BSDC1: variants seen among roughly 807,000 people sequenced by gnomAD.
The protein encoded by BSDC1 is BSD domain containing 1.
In BSDC1, 29 loss-of-function variants were observed where a neutral mutation model predicts 56.0. That is an observed-to-expected ratio of 0.52 (90% CI 0.39 to 0.71). The LOEUF (loss-of-function observed/expected upper bound fraction) is 0.71. BSDC1 is among the 30% of genes least tolerant of loss of function. The pLI, the probability that BSDC1 is intolerant of heterozygous loss-of-function variation, is 0.00. For missense variants in BSDC1, 477 were observed against 548.5 expected, an observed-to-expected ratio of 0.87 and a Z score of 1.30; for synonymous variants, 210 against 215.3, an observed-to-expected ratio of 0.98 and a Z score of 0.21.
rs578196819 is a variant in BSDC1, at chr1:32,377,133, C to T, written c.677-392G>A. Among the ~76,000 whole-genome samples, 184 of 151,806 alleles carry T rather than the reference C, an allele frequency of 1.2e-3. 1 individual carries two copies. The highest frequency in any genetic ancestry group is 4.2e-3 in the African/African-American group (176 of 41,414). ...CCTGGATGACAGAGTGAGACTCTGC[C>T]TCAAAACGAAAAAAAAAAGACTCAA... On this transcript the variant is annotated intron_variant, in intron 8 of 10. Coordinates refer to ENST00000455895, the MANE Select transcript of BSDC1 (RefSeq NM_018045.8).
chr1:32,381,245 C>T lies in BSDC1; in HGVS notation c.381G>A (p.Ser127=), dbSNP rs771789900. ...GTTCATTACAGTAGGTTGCTGGGTC[C>T]GACTGCAGGCTATAGAGGCGAGCCT... ...GTKARLYSLQ[S]DPATYCNEPD... Residue 127 remains serine, a synonymous_variant, in exon 5 of 11, where the codon TCG becomes TCA. Transcript: ENST00000455895. 41 of 1,613,478 alleles carry T rather than the reference C, an allele frequency of 2.5e-5. No individual in the cohort carries two copies. The highest frequency in any genetic ancestry group is 4.5e-5 in the East Asian group (2 of 44,896).
At position 32,376,546 on chromosome 1, in the gene BSDC1, T is replaced by A. The variant is rs370603325; in HGVS notation, c.872A>T (p.Asn291Ile). The change falls in exon 9 of 11, where the codon AAC becomes ATC. Residue 291 changes from asparagine (N) to isoleucine (I), a missense_variant. By Grantham distance (149) the Asn-to-Ile change is moderately radical (BLOSUM62 -3). Transcript: ENST00000455895. ...TCGTGCCTCAGGTGCAGTGGCCGGG[T>A]TGGCGATCTGTGTCACGAGGGAGAT... is the stretch of plus-strand genomic sequence containing the variant. ...ESISLVTQIA[N>I]PATAPEARVL... The A allele has an allele frequency of 7.1e-6, 11 of 1,557,660 alleles. No individual in the cohort carries two copies. Among genetic ancestry groups the A allele is most frequent in the African/African-American group, 4.1e-5 (3 of 73,986 alleles).
At chr1:32,384,339 G>T (rs1337849909) in intron 3 of BSDC1, among the ~76,000 whole-genome samples, 1 of 152,150 alleles carries the variant, frequency 6.6e-6, no homozygotes, top group African/African-American at 2.4e-5. Flanking sequence ...TGGGTAGAGT[G>T]GTGGAAAGGG....
chr1:32,371,303 C>CCT (rs1642072264), intron 9 of BSDC1, among the ~76,000 whole-genome samples: 1 of 117,830 alleles, frequency 8.5e-6, no homozygotes, highest in African/African-American at 3.4e-5. Context: ...ACTTTGTAAT[C>CCT]TTTTTTTTTT....
At chr1:32,380,798 T>C (rs1454619146) in intron 5 of BSDC1, among the ~76,000 whole-genome samples, 2 of 152,202 alleles carry the variant, frequency 1.3e-5, no homozygotes, top group Non-Finnish European at 2.9e-5. Flanking sequence ...TCTACTTTAT[T>C]GACTGTTTCT....
chr1:32,367,979 G>T (rs1367520780), intron 10 of BSDC1: 1 of 1,106,808 alleles, frequency 9.0e-7, no homozygotes, highest in African/African-American at 1.6e-5. Flanking sequence ...CCTCATACCT[G>T]AGGACCACAA....
intron 9 of BSDC1, among the ~76,000 whole-genome samples, chr1:32,370,263 C>G (rs971788043): frequency 2.0e-5 from 3 of 152,208 alleles, no homozygotes; most frequent in African/African-American, 7.2e-5. Context: ...TAGGCGTGAG[C>G]CACTGCGCCT....
At position 32,378,130 on chromosome 1, in the gene BSDC1, A is replaced by G; in HGVS notation, c.598-82T>C. 1 of 1,601,966 alleles carries G rather than the reference A, an allele frequency of 6.2e-7. No individual in the cohort carries two copies. Among genetic ancestry groups the G allele is most frequent in the African/African-American group, 1.3e-5 (1 of 74,792 alleles). Reference sequence around the variant, plus strand: ...TGGTCCTGATCCCACAACTCTTGGCACCCTGTATCCCTTTCTTCTCTCAAT... The same window carrying G: ...TGGTCCTGATCCCACAACTCTTGGCGCCCTGTATCCCTTTCTTCTCTCAAT... On this transcript the variant is annotated intron_variant, in intron 7 of 10. Coordinates refer to ENST00000455895, the MANE Select transcript of BSDC1 (RefSeq NM_018045.8). The surrounding 1 kb of genome is among the most constrained non-coding windows in gnomAD (Gnocchi z 5.2).
chr1:32,378,175 C>T lies in BSDC1; in HGVS notation c.597+40G>A. On this transcript the variant is annotated intron_variant, in intron 7 of 10. Coordinates refer to ENST00000455895, the MANE Select transcript of BSDC1 (RefSeq NM_018045.8). This position sits in a 1 kb window ranked among gnomAD's most constrained non-coding sequence, Gnocchi z 5.2. ...CTCAATAAATCCAGCCTGCTTCCCC[C>T]AGGGTTGAGTGGGGACCTCCCCATG... is the stretch of plus-strand genomic sequence containing the variant. 1 of 1,611,662 alleles carries T rather than the reference C, an allele frequency of 6.2e-7. No homozygotes were observed. Among genetic ancestry groups the T allele is most frequent in the South Asian group, 1.1e-5 (1 of 91,012 alleles).
At chr1:32,393,435 C>T (rs1642935823) in intron 2 of BSDC1, among the ~76,000 whole-genome samples, 1 of 152,188 alleles carries the variant, frequency 6.6e-6, no homozygotes, top group African/African-American at 2.4e-5. Context: ...GCTTTTCATC[C>T]TGTCTAGGCA....
intron 9 of BSDC1, among the ~76,000 whole-genome samples, chr1:32,373,969 CA>C (rs1467804960): frequency 6.6e-6 from 1 of 152,172 alleles, no homozygotes; most frequent in Admixed American, 6.5e-5. Flanking sequence ...TTAAAACCTA[CA>C]ATCACAACCT....
rs1642298523 is a variant in BSDC1 at position 32,376,664 on chromosome 1, C to T, written c.754G>A (p.Gly252Arg). 4 of 1,418,088 alleles carry T rather than the reference C, an allele frequency of 2.8e-6. No individual in the cohort carries two copies. In the South Asian group the frequency reaches 7.5e-5, roughly 27 times the overall value. The allele number at this position is 1,418,088 out of a possible 1,614,324, so 87.8% of individuals were successfully genotyped here. A position where few individuals can be genotyped will look rare whatever the true frequency, so the allele number is the denominator to read the frequency against. Residue 252 changes from glycine to arginine, a missense_variant, in exon 9 of 11, where the codon GGA (glycine) becomes AGA (arginine). By Grantham distance (125) the Gly-to-Arg change is moderately radical. Coordinates refer to ENST00000455895, the MANE Select transcript of BSDC1 (RefSeq NM_018045.8). Reference protein sequence around the residue: ...PVAKISTFPEGEPGPQSPCEE... With the variant: ...PVAKISTFPEREPGPQSPCEE... ...CAGGGGCTCTGGGGGCCAGGTTCTC[C>T]TTCAGGGAATGTAGAAATTTTGGCC...
intron 9 of BSDC1, among the ~76,000 whole-genome samples, chr1:32,374,331 G>A (rs1442658095): frequency 7.2e-5 from 11 of 152,160 alleles, no homozygotes; most frequent in African/African-American, 2.7e-4. Context: ...CCCGTTTATG[G>A]AGGAGCAAAC....
intron 9 of BSDC1, among the ~76,000 whole-genome samples, chr1:32,375,134 A>AGG (rs1642232343): frequency 6.6e-6 from 1 of 152,044 alleles, no homozygotes; most frequent in Admixed American, 6.5e-5. Context: ...CCTAGGCGAC[A>AGG]GTGAGACTCC....
Position 32,376,365 on chromosome 1 carries a change from T to C in BSDC1, c.1053A>G (p.Pro351=), listed in dbSNP as rs1642281431. The C allele has an allele frequency of 6.2e-7, 1 of 1,613,622 alleles. No individual in the cohort carries two copies. The change falls in exon 9 of 11, where the codon CCA becomes CCG. Residue 351 remains proline, a synonymous_variant. Transcript: ENST00000455895. ...GHTGGPEPRP[P]ARVETLREEA... is the part of the protein sequence containing the mutation. The stretch of plus-strand genomic sequence containing the variant: ...CCTCCCTCAGAGTCTCTACTCTGGC[T>C]GGAGGCCTGGGCTCTGGGCCGCCGG...
Position 32,383,899 on chromosome 1 carries a change from G to C in BSDC1, c.288C>G (p.Thr96=), listed in dbSNP as rs746211783. 3 of 1,612,512 alleles carry C rather than the reference G, an allele frequency of 1.9e-6. No homozygotes were observed. In the Admixed American group the frequency reaches 5.0e-5, roughly 27 times the overall value. The change falls in exon 4 of 11, where the codon ACC becomes ACG. Residue 96 remains threonine (T), a synonymous_variant. Transcript: ENST00000455895. ...TCAGGGTGATGACATCGCAGTCGAT[G>C]GTTTTGTCTGGCGAAGGGGCAAAGG... is the stretch of plus-strand genomic sequence containing the variant. ...SDTFAPSPDK[T]IDCDVITLMG... is the part of the protein sequence containing the mutation.
intron 8 of BSDC1, 143 bp downstream of exon 8, chr1:32,377,827 G>A (rs952531630): frequency 4.7e-6 from 3 of 638,386 alleles, no homozygotes; most frequent in Middle Eastern, 2.6e-4. Flanking sequence ...TGTTAGCTCC[G>A]CCTATCCTCA....
At chr1:32,369,251 A>G in intron 9 of BSDC1, 1 of 1,289,646 alleles carries the variant, frequency 7.8e-7, no homozygotes, top group Non-Finnish European at 1.0e-6. Context: ...CAGGTTACTA[A>G]AGAGCGGAGA....
At position 32,394,373 on chromosome 1, in the gene BSDC1, C is replaced by T. The variant is rs747948237; in HGVS notation, c.11+31G>A. 20 of 1,613,946 alleles carry T rather than the reference C, an allele frequency of 1.2e-5. No homozygotes were observed. The South Asian group carries it at 1.3e-4, about 11-fold the overall frequency. On this transcript the variant is annotated intron_variant, in intron 1 of 10. Coordinates refer to ENST00000455895, the MANE Select transcript of BSDC1 (RefSeq NM_018045.8). Reference sequence around the variant, plus strand: ...CCCCAACCCTGGGAGAATTCAGGCCCCAACGCCTAGGAGCAAAACGACAAG... The same window carrying T: ...CCCCAACCCTGGGAGAATTCAGGCCTCAACGCCTAGGAGCAAAACGACAAG...
Sources: gnomAD v4.1 joint callset for allele counts (sites outside exome capture counted in the v4.1 genomes callset) on GRCh38, gnomAD v4.1.1 for gene constraint, Gnocchi (gnomAD v3.1) non-coding constraint, MANE v1.5 for transcripts, NCBI Gene and HGNC (gene_info 2026-07-23, HGNC 2026-07-21) for gene names.